The following NWD1 variants were observed in gnomAD, a reference collection of about 807,000 sequenced individuals.
NWD1 encodes NACHT and WD repeat domain containing 1.
Under a neutral mutation model 135.1 loss-of-function variants are expected in NWD1, and 129 were observed. The observed-to-expected ratio is 0.96, with a 90% CI of 0.83 to 1.11. The LOEUF is 1.11. Ranked by LOEUF, NWD1 falls within the 50% of genes least tolerant of loss-of-function variation. The probability of loss-of-function intolerance (pLI) is 0.00; values close to 1 mark genes in which losing one functional copy is unlikely to be tolerated. For synonymous variants in NWD1, 773 were observed against 786.0 expected, an observed-to-expected ratio of 0.98 and a Z score of 0.28; for missense variants, 1,740 against 1,851.3, an observed-to-expected ratio of 0.94 and a Z score of 1.10.
rs150732054 is a variant in NWD1 at position 16,794,546 on chromosome 19, C to A, written c.3297C>A (p.Leu1099=). 6.2e-7 allele frequency: 1 copy of A among 1,601,622 alleles called. No individual in the cohort carries two copies. Residue 1099 remains leucine (L), a synonymous_variant, in exon 15 of 19, where the codon CTC becomes CTA. Transcript: ENST00000524140. ...TGGTCTCTGAAGATGAGTCCCTCCT[C>A]GCCGCAGGTAGCGTTTAGCTCTCAT... ...FLVVSEDESL[L]AAGFGRSVRI...
At chr19:16,797,606 C>G (rs1364436879) in intron 15 of NWD1, 126 bp from the exon 16 acceptor site, 3 of 863,634 alleles carry the variant, frequency 3.5e-6, no homozygotes, top group Admixed American at 5.0e-5. Flanking sequence ...CCTTGGCGTC[C>G]CAAAGTGCTG....
chr19:16,783,778 GA>G (rs1164133485), intron 12 of NWD1, among the ~76,000 whole-genome samples: 2 of 151,420 alleles, frequency 1.3e-5, no homozygotes, highest in African/African-American at 4.8e-5. Context: ...AAATATTTGG[GA>G]AAAAAATAGT....
At chr19:16,808,340 G>A (rs374392647) in intron 18 of NWD1, among the ~76,000 whole-genome samples, 4 of 152,012 alleles carry the variant, frequency 2.6e-5, no homozygotes, top group Middle Eastern at 3.4e-3. Context: ...ACCTGAGATC[G>A]GGAGTTCAAG....
At chr19:16,748,077 G>C (rs916103901) in intron 5 of NWD1, among the ~76,000 whole-genome samples, 2 of 152,130 alleles carry the variant, frequency 1.3e-5, no homozygotes, top group Non-Finnish European at 2.9e-5. Context: ...TTTGCCTCCC[G>C]GGTTCAAGTG....
rs369622682 is a variant in NWD1, at chr19:16,768,588, G to A, written c.2410+3396G>A. Among the ~76,000 whole-genome samples, 9 of 53,186 alleles carry A rather than the reference G, an allele frequency of 1.7e-4. No individual in the cohort carries two copies. In the East Asian group the frequency reaches 5.1e-3, roughly 30 times the overall value. 34.9% of individuals were successfully genotyped at this position (53,186 alleles called of 152,430 possible). ...CTCTACCCTTTTATGTTCAGTGATA[G>A]GGGCCTGTGAATTAAGACAGCTTAA... On this transcript the variant is annotated intron_variant, in intron 10 of 18. Transcript: ENST00000524140.
chr19:16,810,478 TAA>T (rs1250659494), intron 18 of NWD1, among the ~76,000 whole-genome samples: 1 of 146,548 alleles, frequency 6.8e-6, no homozygotes, highest in Non-Finnish European at 1.5e-5. Flanking sequence ...GAAGGCCTTG[TAA>T]GTCTAGATTA....
chr19:16,752,053 C>T (rs1445367695), intron 6 of NWD1, among the ~76,000 whole-genome samples: 1 of 152,092 alleles, frequency 6.6e-6, no homozygotes. Context: ...TAATCAGAAG[C>T]ACCCAAGCAG....
chr19:16,758,935 C>T (rs1388591193), intron 6 of NWD1, among the ~76,000 whole-genome samples: 3 of 133,362 alleles, frequency 2.2e-5, no homozygotes, highest in Admixed American at 1.9e-4. Context: ...ACCCGCGAGG[C>T]GGAGGTTGCA....
Position 16,794,508 on chromosome 19 carries a change from G to A in NWD1, c.3259G>A (p.Val1087Met), listed in dbSNP as rs1164754745. 6.2e-7 allele frequency: 1 copy of A among 1,611,964 alleles called. No homozygotes were observed. The highest frequency in any genetic ancestry group is 8.5e-7 in the Non-Finnish European group (1 of 1,178,976). The change falls in exon 15 of 19, where the codon GTG becomes ATG. Residue 1087 changes from valine (V) to methionine (M), a missense_variant. Coordinates refer to ENST00000524140, the MANE Select transcript of NWD1 (RefSeq NM_001007525.5). The part of the protein sequence containing the change: ...DRLLEKLPDA[V>M]RFLVVSEDES... ...ATTGCTGGAGAAGCTTCCAGATGCT[G>A]TGAGGTTCCTGGTGGTCTCTGAAGA...
At chr19:16,785,250 G>A (rs1409245094) in intron 12 of NWD1, among the ~76,000 whole-genome samples, 6 of 152,126 alleles carry the variant, frequency 3.9e-5, no homozygotes, top group Non-Finnish European at 7.4e-5. Flanking sequence ...GGTGGCTCAC[G>A]CATGTAATCC....
chr19:16,810,305 G>C (rs1970884542), intron 18 of NWD1, among the ~76,000 whole-genome samples: 1 of 152,012 alleles, frequency 6.6e-6, no homozygotes, highest in Non-Finnish European at 1.5e-5. Context: ...CTGCATGGTG[G>C]TATGTGCCTG....
At chr19:16,785,676 AT>A (rs1970014254) in intron 12 of NWD1, among the ~76,000 whole-genome samples, 2 of 149,776 alleles carry the variant, frequency 1.3e-5, no homozygotes, top group South Asian at 4.2e-4. Flanking sequence ...GTGTATGTAT[AT>A]ATTTATGCTT....
At chr19:16,738,785 A>ACTAT (rs1967953273) in intron 4 of NWD1, among the ~76,000 whole-genome samples, 1 of 131,402 alleles carries the variant, frequency 7.6e-6, no homozygotes. Context: ...AATATATAAT[A>ACTAT]TATAATAACA....
At chr19:16,722,861 A>G in intron 1 of NWD1, among the ~76,000 whole-genome samples, 1 of 151,930 alleles carries the variant, frequency 6.6e-6, no homozygotes, top group Non-Finnish European at 1.5e-5. Flanking sequence ...TGTCTACGTG[A>G]CCAACTCCCA....
intron 17 of NWD1, among the ~76,000 whole-genome samples, chr19:16,800,462 C>T (rs562160488): frequency 5.9e-5 from 9 of 152,156 alleles, no homozygotes; most frequent in South Asian, 2.1e-4. Context: ...ACCTGGGAGG[C>T]GAAGACTGCA....
intron 11 of NWD1, among the ~76,000 whole-genome samples, chr19:16,775,660 ATATTTT>A (rs902659522): frequency 1.3e-5 from 2 of 152,084 alleles, no homozygotes; most frequent in African/African-American, 2.4e-5. Flanking sequence ...ATATGTTTTT[ATATTTT>A]TATTTTTATT....
intron 17 of NWD1, among the ~76,000 whole-genome samples, chr19:16,800,439 C>CAGG (rs71180339): frequency 0.73 from 110,471 of 151,698 alleles, 40,608 homozygotes; most frequent in African/African-American, 0.84. Context: ...GAGGCTGAGG[C>CAGG]AGAATTGTTT....
At chr19:16,741,273 G>A (rs1968068123) in intron 4 of NWD1, among the ~76,000 whole-genome samples, 1 of 151,922 alleles carries the variant, frequency 6.6e-6, no homozygotes, top group Admixed American at 6.6e-5. Context: ...CCTGCCACAG[G>A]GCCTTTGCAC....
chr19:16,730,998 C>T (rs1433536685), intron 2 of NWD1, among the ~76,000 whole-genome samples, 194 bp from the exon 3 acceptor site: 1 of 148,348 alleles, frequency 6.7e-6, no homozygotes, highest in Non-Finnish European at 1.5e-5. Context: ...AATCCCAACA[C>T]TTTGGGAGGC....
Sources: gnomAD v4.1 joint callset for allele counts (sites outside exome capture counted in the v4.1 genomes callset) on GRCh38, gnomAD v4.1.1 for gene constraint, MANE v1.5 for transcripts, NCBI Gene and HGNC (gene_info 2026-07-23, HGNC 2026-07-21) for gene names.